The following SERINC2 variants were observed in gnomAD, a reference collection of about 807,000 sequenced individuals.
SERINC2 encodes tumor differentially expressed protein 2.
SERINC2 carries 56 observed loss-of-function variants against 54.2 expected under a neutral mutation model. The observed-to-expected ratio is 1.03, with a 90% CI of 0.83 to 1.29. The LOEUF (loss-of-function observed/expected upper bound fraction) is 1.29. Ranked by LOEUF, SERINC2 falls within the 50% of genes most tolerant of loss-of-function variation. The pLI is 0.00. For synonymous variants in SERINC2, 272 were observed against 253.1 expected, an observed-to-expected ratio of 1.07 and a Z score of -0.71; for missense variants, 614 against 607.4, an observed-to-expected ratio of 1.01 and a Z score of -0.12.
chr1:31,425,275 C>T, intron 3 of SERINC2, 55 bp from the exon 4 acceptor site: 1 of 1,331,968 alleles, frequency 7.5e-7, no homozygotes, highest in East Asian at 2.3e-5. Context: ...AGTCTGGCTT[C>T]CAGTTTCCCT....
intron 1 of SERINC2, among the ~76,000 whole-genome samples, chr1:31,416,389 G>A (rs1640783080): frequency 6.6e-6 from 1 of 152,230 alleles, no homozygotes; most frequent in African/African-American, 2.4e-5. Context: ...TACAGATGAG[G>A]AAACTGAGTC....
At chr1:31,426,075 C>T in intron 5 of SERINC2, 162 bp downstream of exon 5, 1 of 723,782 alleles carries the variant, frequency 1.4e-6, no homozygotes, top group Non-Finnish European at 2.2e-6. Flanking sequence ...ATGGGGGGCA[C>T]CAGCTGATCC....
intron 8 of SERINC2, among the ~76,000 whole-genome samples, chr1:31,432,322 C>T (rs1222744039): frequency 2.6e-5 from 4 of 151,534 alleles, no homozygotes; most frequent in East Asian, 1.9e-4. Flanking sequence ...TGTTTGGAAA[C>T]GTGAGTTGGT....
Position 31,429,052 on chromosome 1 carries a change from C to G in SERINC2, c.855C>G (p.Ala285=). 1 of 1,613,712 alleles carries G rather than the reference C, an allele frequency of 6.2e-7. No individual in the cohort carries two copies. The highest frequency in any genetic ancestry group is 1.7e-5 in the Admixed American group (1 of 60,006). ...ACACCATGTTTGTCACCTGGTCAGC[C>G]CTATCCAGTATCCCTGGTAAGTATG... ...TLYTMFVTWS[A]LSSIPEQKCN... The change falls in exon 7 of 10, where the codon GCC becomes GCG. Residue 285 remains alanine (A), a synonymous_variant. Transcript: ENST00000373709.
chr1:31,415,480 C>G (rs1285489490), intron 1 of SERINC2, among the ~76,000 whole-genome samples: 1 of 152,260 alleles, frequency 6.6e-6, no homozygotes, highest in Non-Finnish European at 1.5e-5. Flanking sequence ...AGATAACTAT[C>G]CCAACACTCG....
intron 8 of SERINC2, among the ~76,000 whole-genome samples, chr1:31,431,976 T>TAGGGTGGAC (rs1570067331): frequency 4.0e-5 from 1 of 25,164 alleles, no homozygotes; most frequent in East Asian, 9.0e-4. Context: ...ATAGGGTGGA[T>TAGGGTGGAC]AGGGTGGATA....
chr1:31,425,726 T>C, intron 4 of SERINC2, 50 bp from the exon 5 acceptor site: 1 of 1,596,140 alleles, frequency 6.3e-7, no homozygotes. Context: ...GTTGAACGAG[T>C]AGATGTGAGA....
At position 31,434,159 on chromosome 1, in the gene SERINC2, T is replaced by A. The variant is rs1641402158; in HGVS notation, c.1328T>A (p.Leu443Gln). 1 of 1,613,770 alleles carries A rather than the reference T, an allele frequency of 6.2e-7. No individual in the cohort carries two copies. The change falls in exon 10 of 10, where the codon CTG becomes CAG. Residue 443 changes from leucine (L) to glutamine (Q), a missense_variant. By Grantham distance (113) the Leu-to-Gln change is moderately radical (BLOSUM62 -2). Transcript: ENST00000373709. Reference sequence around the variant, plus strand: ...GGGCTGCTCCTCTACCTGTGGACCCTGGTAGCCCCACTCCTCCTGCGCAAC... The same window carrying A: ...GGGCTGCTCCTCTACCTGTGGACCCAGGTAGCCCCACTCCTCCTGCGCAAC... ...WAGLLLYLWT[L>Q]VAPLLLRNRD...
chr1:31,428,159 C>T (rs1397245392), intron 6 of SERINC2, among the ~76,000 whole-genome samples: 2 of 152,202 alleles, frequency 1.3e-5, no homozygotes, highest in Non-Finnish European at 2.9e-5. Context: ...CCTGCCTCAG[C>T]CTCCCGAGTA....
At chr1:31,428,415 A>C (rs1362528681) in intron 6 of SERINC2, among the ~76,000 whole-genome samples, 1 of 152,152 alleles carries the variant, frequency 6.6e-6, no homozygotes, top group Non-Finnish European at 1.5e-5. Flanking sequence ...AAGGACAGGC[A>C]ACAGGGGACT....
chr1:31,427,895 C>T (rs1410025227), intron 6 of SERINC2, among the ~76,000 whole-genome samples: 2 of 141,196 alleles, frequency 1.4e-5, no homozygotes, highest in Non-Finnish European at 3.0e-5. Context: ...GTGGTGTAAT[C>T]TCGGCTCACT....
At chr1:31,418,400 G>A (rs1046459570) in intron 1 of SERINC2, among the ~76,000 whole-genome samples, 22 of 151,440 alleles carry the variant, frequency 1.5e-4, no homozygotes, top group African/African-American at 5.3e-4. Flanking sequence ...ATTTTGAGAC[G>A]AACTCATGCT....
At position 31,413,730 on chromosome 1, in the gene SERINC2, C is replaced by T; in HGVS notation, c.39+426C>T. 1 of 1,298,416 alleles carries T rather than the reference C, an allele frequency of 7.7e-7. No individual in the cohort carries two copies. The allele number at this position is 1,298,416 out of a possible 1,614,324, so 80.4% of individuals were successfully genotyped here. On this transcript the variant is annotated intron_variant, in intron 1 of 9. Coordinates refer to ENST00000373709, the MANE Select transcript of SERINC2 (RefSeq NM_178865.5). The surrounding 1 kb of genome is among the most constrained non-coding windows in gnomAD (Gnocchi z 5.0). ...CTGTGTAGGTCGCCCGGGCCCCGTC[C>T]CTCCTGGCGAGTGCCCTGCCCTACC...
At chr1:31,431,019 T>A (rs1263696023) in intron 8 of SERINC2, among the ~76,000 whole-genome samples, 1 of 152,242 alleles carries the variant, frequency 6.6e-6, no homozygotes, top group Non-Finnish European at 1.5e-5. Flanking sequence ...GTACAGTTCA[T>A]AAACATCTGT....
chr1:31,413,233 G>A lies in SERINC2; in HGVS notation c.-33G>A, dbSNP rs1249518880. On this transcript the variant is annotated 5_prime_UTR_variant, in exon 1 of 10. Coordinates refer to ENST00000373709, the MANE Select transcript of SERINC2 (RefSeq NM_178865.5). The surrounding 1 kb of genome is among the most constrained non-coding windows in gnomAD (Gnocchi z 5.0). ...ATCCCGAGGTCCGCGCCCCGCGCCC[G>A]GCGCCGGGCGCCCGAAGCCGGGAGC... is the stretch of plus-strand genomic sequence containing the variant. 5.4e-6 allele frequency: 6 copies of A among 1,115,718 alleles called. No homozygotes were observed. Among genetic ancestry groups the A allele is most frequent in the Non-Finnish European group, 2.2e-6 (2 of 917,086 alleles). The allele number at this position is 1,115,718 out of a possible 1,614,324, so 69.1% of individuals were successfully genotyped here. A position where few individuals can be genotyped will look rare whatever the true frequency, so the allele number is the denominator to read the frequency against.
chr1:31,416,998 G>A (rs1282086251), intron 1 of SERINC2, among the ~76,000 whole-genome samples: 2 of 152,190 alleles, frequency 1.3e-5, no homozygotes, highest in African/African-American at 4.8e-5. Context: ...GGGATTACAG[G>A]CATGAGCCAC....
intron 1 of SERINC2, among the ~76,000 whole-genome samples, chr1:31,420,958 T>A (rs1373587937): frequency 6.6e-6 from 1 of 152,148 alleles, no homozygotes; most frequent in African/African-American, 2.4e-5. Context: ...ACTAATAAGC[T>A]GCTCTAACTG....
At chr1:31,410,242 T>G, upstream of SERINC2, 1 of 1,475,008 alleles carries the variant, frequency 6.8e-7, no homozygotes, top group Non-Finnish European at 9.0e-7. Flanking sequence ...TCTGGCCCCA[T>G]GCAGGAGGTT....
chr1:31,414,119 G>A (rs1640716068), intron 1 of SERINC2: 10 of 1,439,690 alleles, frequency 6.9e-6, no homozygotes, highest in African/African-American at 5.8e-5. Context: ...AGCAGGAATC[G>A]AGGGAGGTTC....
Sources: gnomAD v4.1 joint callset for allele counts (sites outside exome capture counted in the v4.1 genomes callset) on GRCh38, gnomAD v4.1.1 for gene constraint, Gnocchi (gnomAD v3.1) non-coding constraint, MANE v1.5 for transcripts, NCBI Gene and HGNC (gene_info 2026-07-23, HGNC 2026-07-21) for gene names.